CTNNA2: variants seen among roughly 807,000 people sequenced by gnomAD.
The protein encoded by CTNNA2 is catenin alpha 2.
CTNNA2 carries 42 observed loss-of-function variants against 101.0 expected under a neutral mutation model. The ratio of observed to expected loss-of-function variants is 0.42; its 90% CI spans 0.32 to 0.54. CTNNA2 has a LOEUF of 0.54. CTNNA2 is among the 20% of genes least tolerant of loss of function. The pLI is 0.14. For synonymous variants in CTNNA2, 450 were observed against 456.4 expected (o/e 0.99, Z 0.18); for missense variants, 871 against 1,223.1 (o/e 0.71, Z 4.29).
intron 3 of CTNNA2, among the ~76,000 whole-genome samples, chr2:79,856,738 G>A (rs1054667712): frequency 2.6e-5 from 4 of 151,974 alleles, no homozygotes; most frequent in African/African-American, 4.8e-5. Flanking sequence ...AGCCCTCATC[G>A]TCAGCTTGAA....
At chr2:80,027,758 A>G (rs570154885) in intron 7 of CTNNA2, among the ~76,000 whole-genome samples, 104 of 152,178 alleles carry the variant, frequency 6.8e-4, no homozygotes, top group Non-Finnish European at 1.2e-3. Context: ...GCATGAGGCC[A>G]GGAGTTCCAA....
rs148953533 is a variant in CTNNA2 at position 80,538,484 on chromosome 2, C to A, written c.1291-6498C>A. On this transcript the variant is annotated intron_variant, in intron 9 of 18. Coordinates refer to ENST00000402739, the MANE Select transcript of CTNNA2 (RefSeq NM_001282597.3). ...CAGCACCATTTATTAAATGGGGAAT[C>A]CTTTCCCCATTGCATGTTTTTGTCA... Among the ~76,000 whole-genome samples the A allele has an allele frequency of 5.4e-3, 829 of 152,252 alleles. 9 individuals are homozygous for A. Among genetic ancestry groups the A allele is most frequent in the African/African-American group, 0.017 (709 of 41,546 alleles).
chr2:79,309,921 A>G (rs28420185), intron 2 of CTNNA2, among the ~76,000 whole-genome samples: 25,355 of 152,132 alleles, frequency 0.17, 2,383 homozygotes, highest in African/African-American at 0.24. Context: ...AATTTTCTCC[A>G]TAAAATTTCT....
intron 4 of CTNNA2, among the ~76,000 whole-genome samples, chr2:79,460,227 T>C (rs1422662957): frequency 1.3e-5 from 2 of 152,216 alleles, no homozygotes; most frequent in Admixed American, 6.5e-5. Flanking sequence ...ATATTTAAGG[T>C]GCATAATTTC....
intron 2 of CTNNA2, chr2:79,698,007 A>G (rs1684753211): frequency 6.6e-6 from 1 of 152,094 alleles, no homozygotes; most frequent in Non-Finnish European, 1.5e-5. Context: ...GTTATGTTAT[A>G]GCAATTCTAA....
chr2:79,720,720 T>C (rs764836229), intron 2 of CTNNA2, among the ~76,000 whole-genome samples: 28 of 152,162 alleles, frequency 1.8e-4, no homozygotes, highest in Non-Finnish European at 3.4e-4. Flanking sequence ...ATGCTACTTT[T>C]TTTGTACATA....
intron 6 of CTNNA2, among the ~76,000 whole-genome samples, chr2:79,898,075 C>A (rs1684834819): frequency 2.6e-5 from 4 of 152,186 alleles, no homozygotes; most frequent in Admixed American, 2.6e-4. Context: ...CACCATCCAA[C>A]TCTTAACCCC....
intron 4 of CTNNA2, among the ~76,000 whole-genome samples, chr2:79,434,146 A>T (rs1169519103): frequency 3.3e-5 from 5 of 152,008 alleles, no homozygotes; most frequent in Admixed American, 2.0e-4. Flanking sequence ...TACAAAAAAA[A>T]AATTATTCCT....
chr2:79,846,330 G>A (rs1382369002), intron 3 of CTNNA2, among the ~76,000 whole-genome samples: 3 of 152,108 alleles, frequency 2.0e-5, no homozygotes, highest in Non-Finnish European at 4.4e-5. Context: ...TTCAAGCCTG[G>A]TTTATTTAGC....
rs1053728728 is a variant in CTNNA2 at position 80,303,886 on chromosome 2, A to G, written c.1057-89325A>G. On this transcript the variant is annotated intron_variant, in intron 7 of 18. Transcript: ENST00000402739. The surrounding 1 kb of genome is among the most constrained non-coding windows in gnomAD (Gnocchi z 7.7). The stretch of plus-strand genomic sequence containing the variant: ...AAGCGCTCGGTCAGAAATCTACATC[A>G]TATTTTATTCCGAGGGAGGGGAAGC... 1.6e-5 allele frequency: 24 copies of G among 1,456,352 alleles called. No individual in the cohort carries two copies. The highest frequency in any genetic ancestry group is 2.2e-5 in the Non-Finnish European group (24 of 1,101,936). The allele number at this position is 1,456,352 out of a possible 1,614,324, so 90.2% of individuals were successfully genotyped here. A position where few individuals can be genotyped will look rare whatever the true frequency, so the allele number is the denominator to read the frequency against.
At chr2:79,811,002 C>G (rs1181762177) in intron 3 of CTNNA2, among the ~76,000 whole-genome samples, 1 of 151,222 alleles carries the variant, frequency 6.6e-6, no homozygotes, top group Non-Finnish European at 1.5e-5. Flanking sequence ...GTGCATGTGT[C>G]TTTATAGCAG....
At position 79,518,562 on chromosome 2, in the gene CTNNA2, G is replaced by T. The variant is rs187505159; in HGVS notation, c.-6+5355G>T. On this transcript the variant is annotated intron_variant, in intron 1 of 18. Coordinates refer to ENST00000402739, the MANE Select transcript of CTNNA2 (RefSeq NM_001282597.3). ...GACTCTTGATGGAGCTATGTCAGTT[G>T]TTCTTCCACATCCCACCCAGAAACC... 4.4e-3 allele frequency among the ~76,000 whole-genome samples: 677 copies of T among 152,204 alleles called. 5 individuals carry two copies. Among genetic ancestry groups the T allele is most frequent in the Non-Finnish European group, 4.8e-3 (325 of 68,002 alleles).
At chr2:79,335,805 A>G (rs1316224557) in intron 3 of CTNNA2, among the ~76,000 whole-genome samples, 1 of 152,214 alleles carries the variant, frequency 6.6e-6, no homozygotes, top group African/African-American at 2.4e-5. Context: ...AGAAATAGGA[A>G]AAGAGGAAGT....
At chr2:80,203,017 C>T (rs1440646646) in intron 7 of CTNNA2, among the ~76,000 whole-genome samples, 1 of 152,214 alleles carries the variant, frequency 6.6e-6, no homozygotes, top group Admixed American at 6.5e-5. Flanking sequence ...TGCAGAGCAA[C>T]TCCTGTTTTT....
At chr2:79,386,825 A>G (rs1317976984) in intron 4 of CTNNA2, among the ~76,000 whole-genome samples, 1 of 152,220 alleles carries the variant, frequency 6.6e-6, no homozygotes, top group Non-Finnish European at 1.5e-5. Flanking sequence ...GACTTTGACA[A>G]AGGGATCCAT....
intron 7 of CTNNA2, among the ~76,000 whole-genome samples, chr2:80,123,973 CA>C (rs1462258631): frequency 6.6e-6 from 1 of 152,170 alleles, no homozygotes. Flanking sequence ...CACAGCCCAG[CA>C]GGGGCTGTGA....
chr2:80,437,221 T>G (rs1050146706), intron 9 of CTNNA2, among the ~76,000 whole-genome samples: 1 of 152,134 alleles, frequency 6.6e-6, no homozygotes, highest in African/African-American at 2.4e-5. Flanking sequence ...GCTAAGATAT[T>G]TTGCTATAGC....
intron 7 of CTNNA2, among the ~76,000 whole-genome samples, chr2:80,339,487 T>G (rs1672037133): frequency 6.6e-6 from 1 of 152,166 alleles, no homozygotes; most frequent in African/African-American, 2.4e-5. Context: ...TCCAAATACT[T>G]TCTATATAAG....
chr2:80,356,455 G>A (rs11891992), intron 7 of CTNNA2, among the ~76,000 whole-genome samples: 4,414 of 152,130 alleles, frequency 0.029, 113 homozygotes, highest in African/African-American at 0.066. Context: ...GGTTTCTTCC[G>A]GCTCAAACAT....
Sources: allele counts gnomAD v4.1 joint callset (sites outside exome capture counted in the v4.1 genomes callset), GRCh38; gene constraint gnomAD v4.1.1; non-coding constraint Gnocchi (gnomAD v3.1); transcripts MANE v1.5; gene names NCBI Gene and HGNC (gene_info 2026-07-23, HGNC 2026-07-21).